GAREM1: variants seen among roughly 807,000 people sequenced by gnomAD.
The protein encoded by GAREM1 is GRB2 associated regulator of MAPK1 subtype 1, also known as GRB2-associated and regulator of MAPK protein 1.
Under a neutral mutation model 71.3 loss-of-function variants are expected in GAREM1, and 26 were observed. That is an observed-to-expected ratio of 0.36 (90% CI 0.27 to 0.51). The LOEUF is 0.51. Among genes scored for constraint, GAREM1 ranks in the 20% least tolerant of loss-of-function variants. GAREM1 has a pLI of 0.95. For synonymous variants in GAREM1, 440 were observed against 433.2 expected (o/e 1.02, Z -0.20); for missense variants, 1,026 against 1,103.1 (o/e 0.93, Z 0.99).
rs1021911908 is a variant in GAREM1, at chr18:32,388,007, G to A, written c.262+4888C>T. Among the ~76,000 whole-genome samples the A allele has an allele frequency of 2.0e-5, 3 of 152,146 alleles. No individual in the cohort carries two copies. The East Asian group carries it at 5.8e-4, about 29-fold the overall frequency. ...AAAGTAAGGGGTACTACTTGGAATA[G>A]GAGAGTGTAGGAGCCTTGACCAAAG... On this transcript the variant is annotated intron_variant, in intron 2 of 5. Coordinates refer to ENST00000269209, the MANE Select transcript of GAREM1 (RefSeq NM_001242409.2).
At chr18:32,268,901 T>C in intron 5 of GAREM1, 133 bp from the exon 6 acceptor site, 1 of 659,130 alleles carries the variant, frequency 1.5e-6, no homozygotes, top group Non-Finnish European at 2.5e-6. Flanking sequence ...TCCTGCTAAC[T>C]TCACTGGGTT....
rs3786308 is a variant in GAREM1, at chr18:32,393,001, A to G, written c.156T>C (p.Tyr52=). The change falls in exon 2 of 6, where the codon TAT becomes TAC. Residue 52 remains tyrosine, a synonymous_variant. Coordinates refer to ENST00000269209, the MANE Select transcript of GAREM1 (RefSeq NM_001242409.2). ...ECVEGLREND[Y]LLIHSCRQWT... ...ACTGGCGGCAGGAATGAATCAGCAG[A>G]TAGTCATTTTCCCGCAGCCCTTCTA... The G allele has an allele frequency of 0.11, 173,547 of 1,613,442 alleles. 10,268 individuals carry two copies. Among genetic ancestry groups the G allele is most frequent in the African/African-American group, 0.21 (15,884 of 74,908 alleles).
intron 2 of GAREM1, among the ~76,000 whole-genome samples, chr18:32,325,374 G>C (rs546330228): frequency 4.5e-4 from 68 of 152,178 alleles, no homozygotes; most frequent in African/African-American, 1.6e-3. Flanking sequence ...GTGGACTTTG[G>C]GTTATTATGA....
intron 2 of GAREM1, among the ~76,000 whole-genome samples, chr18:32,371,304 T>G (rs2047976810): frequency 6.6e-6 from 1 of 152,094 alleles, no homozygotes; most frequent in Non-Finnish European, 1.5e-5. Flanking sequence ...ATGCCAAAAG[T>G]TAGAGGTGGA....
At chr18:32,419,203 A>G (rs1377280378) in intron 1 of GAREM1, among the ~76,000 whole-genome samples, 1 of 152,174 alleles carries the variant, frequency 6.6e-6, no homozygotes, top group African/African-American at 2.4e-5. Flanking sequence ...TCAGGCTTCA[A>G]ATATCTCTGA....
chr18:32,315,407 T>C (rs1304350092), intron 2 of GAREM1, among the ~76,000 whole-genome samples: 1 of 147,966 alleles, frequency 6.8e-6, no homozygotes, highest in Non-Finnish European at 1.5e-5. Flanking sequence ...ACTAATGATG[T>C]ATTATATAAA....
chr18:32,346,412 A>T (rs2047697103), intron 2 of GAREM1, among the ~76,000 whole-genome samples: 1 of 152,200 alleles, frequency 6.6e-6, no homozygotes, highest in South Asian at 2.1e-4. Context: ...ATTTTATGGG[A>T]ATTTCCTTAA....
chr18:32,378,187 T>C (rs1192203015), intron 2 of GAREM1, among the ~76,000 whole-genome samples: 1 of 152,122 alleles, frequency 6.6e-6, no homozygotes, highest in African/African-American at 2.4e-5. Flanking sequence ...AATCTACATA[T>C]TGGGTTTTTG....
At chr18:32,317,324 G>T (rs547599791) in intron 2 of GAREM1, among the ~76,000 whole-genome samples, 3 of 147,138 alleles carry the variant, frequency 2.0e-5, no homozygotes, top group South Asian at 2.2e-4. Flanking sequence ...AGAATTGCTT[G>T]AACCCAGGAG....
intron 5 of GAREM1, 93 bp downstream of exon 5, chr18:32,270,124 G>C: frequency 7.8e-7 from 1 of 1,279,252 alleles, no homozygotes; most frequent in Non-Finnish European, 1.1e-6. Flanking sequence ...CCACCACCCT[G>C]CCTGTTAGGG....
At position 32,301,270 on chromosome 18, in the gene GAREM1, G is replaced by C. The variant is rs372179549; in HGVS notation, c.393+8923C>G. ...TGGTCTTGCTGCTTTATTAATACTG[G>C]TTAGCACTCTAAAAATTCTGGGTTA... On this transcript the variant is annotated intron_variant, in intron 3 of 5. Transcript: ENST00000269209. Among the ~76,000 whole-genome samples the C allele has an allele frequency of 2.6e-5, 4 of 152,148 alleles. No individual in the cohort carries two copies. In the East Asian group the frequency reaches 7.7e-4, roughly 29 times the overall value.
At chr18:32,428,693 A>G (rs1292801641) in intron 1 of GAREM1, among the ~76,000 whole-genome samples, 3 of 152,224 alleles carry the variant, frequency 2.0e-5, no homozygotes, top group African/African-American at 4.8e-5. Context: ...ATTTCTTTAT[A>G]GAAATGCAAG....
chr18:32,446,272 A>C (rs534625952), intron 1 of GAREM1, among the ~76,000 whole-genome samples: 148 of 151,420 alleles, frequency 9.8e-4, no homozygotes, highest in African/African-American at 3.5e-3. Context: ...AGAATTGTTC[A>C]CCATTAACAC....
intron 1 of GAREM1, among the ~76,000 whole-genome samples, chr18:32,448,866 G>C (rs2048807571): frequency 6.6e-6 from 1 of 152,136 alleles, no homozygotes; most frequent in Non-Finnish European, 1.5e-5. Context: ...AATCCCCAAG[G>C]TCCAGTTGAA....
At position 32,267,753 on chromosome 18, in the gene GAREM1, T is replaced by C. The variant is rs2041393729; in HGVS notation, c.*118A>G. On this transcript the variant is annotated 3_prime_UTR_variant, in exon 6 of 6. Transcript: ENST00000269209. ...ACGTAATCTGCATAGTAAGAGTTTCTCTTATCCCTATTTACAGAGAAGGTT... is the reference window on the plus strand; with the variant it reads ...ACGTAATCTGCATAGTAAGAGTTTCCCTTATCCCTATTTACAGAGAAGGTT... 2 of 752,390 alleles carry C rather than the reference T, an allele frequency of 2.7e-6. No homozygotes were observed. 46.6% of individuals were successfully genotyped at this position (752,390 alleles called of 1,614,324 possible). A position where few individuals can be genotyped will look rare whatever the true frequency, so the allele number is the denominator to read the frequency against.
intron 2 of GAREM1, among the ~76,000 whole-genome samples, chr18:32,379,747 T>C (rs1309689476): frequency 1.3e-5 from 2 of 151,192 alleles, no homozygotes; most frequent in Non-Finnish European, 2.9e-5. Flanking sequence ...GAATTAGCGA[T>C]AGAAGAGAAA....
intron 2 of GAREM1, among the ~76,000 whole-genome samples, chr18:32,366,392 T>A (rs2047928753): frequency 6.6e-6 from 1 of 151,966 alleles, no homozygotes; most frequent in African/African-American, 2.4e-5. Context: ...CATAGAAGAG[T>A]CCTCAACAAA....
intron 1 of GAREM1, among the ~76,000 whole-genome samples, chr18:32,453,553 ATC>A (rs1568017335): frequency 6.6e-6 from 1 of 151,936 alleles, no homozygotes; most frequent in African/African-American, 2.4e-5. Flanking sequence ...CATTACCCCA[ATC>A]TCTGCAACCA....
In GAREM1 at chr18:32,470,590, G is replaced by T; in HGVS notation, c.-162C>A. ...GGGGGCGCGGCGACTGGGGCGGCCC[G>T]GAGGGAGGGGGCCGGCGCCCGGCTC... On this transcript the variant is annotated 5_prime_UTR_variant, in exon 1 of 6. Coordinates refer to ENST00000269209, the MANE Select transcript of GAREM1 (RefSeq NM_001242409.2). The surrounding 1 kb of genome is among the most constrained non-coding windows in gnomAD (Gnocchi z 4.4). 1 of 290,482 alleles carries T rather than the reference G, an allele frequency of 3.4e-6. No individual in the cohort carries two copies. The highest frequency in any genetic ancestry group is 5.1e-6 in the Non-Finnish European group (1 of 197,268). The allele number at this position is 290,482 out of a possible 1,614,324, so 18.0% of individuals were successfully genotyped here.
Sources: allele counts gnomAD v4.1 joint callset (sites outside exome capture counted in the v4.1 genomes callset), GRCh38; gene constraint gnomAD v4.1.1; non-coding constraint Gnocchi (gnomAD v3.1); transcripts MANE v1.5; gene names NCBI Gene and HGNC (gene_info 2026-07-23, HGNC 2026-07-21).